The following CNTLN variants were observed in gnomAD, a reference collection of about 807,000 sequenced individuals.
The protein encoded by CNTLN is centlein, also known as centlein, centrosomal protein.
Under a neutral mutation model 180.0 loss-of-function variants are expected in CNTLN, and 212 were observed. The observed-to-expected ratio is 1.18, with a 90% confidence interval of 1.05 to 1.32. CNTLN has a LOEUF of 1.32. CNTLN is among the 40% of genes most tolerant of loss of function. The pLI, the probability that CNTLN is intolerant of heterozygous loss-of-function variation, is 0.00. For synonymous variants in CNTLN, 722 were observed against 563.1 expected (o/e 1.28, Z -3.99); for missense variants, 2,095 against 1,610.9 (o/e 1.30, Z -5.14).
At chr9:17,516,309 G>T in the CNTLN span, among the ~76,000 whole-genome samples, 1 of 152,294 alleles carries the variant, frequency 6.6e-6, no homozygotes, top group African/African-American at 2.4e-5. Flanking sequence ...GTAACAGTGT[G>T]GGGGAGAAAA....
At chr9:17,437,188 A>T (rs1370379809) in intron 18 of CNTLN, among the ~76,000 whole-genome samples, 1 of 152,224 alleles carries the variant, frequency 6.6e-6, no homozygotes, top group African/African-American at 2.4e-5. Flanking sequence ...TGACTGTCTT[A>T]TTCCTATGTC....
intron 12 of CNTLN, among the ~76,000 whole-genome samples, chr9:17,358,433 A>C (rs867099846): frequency 6.6e-6 from 1 of 152,132 alleles, no homozygotes; most frequent in Non-Finnish European, 1.5e-5. Flanking sequence ...ATGATACTAT[A>C]TATTTTTGTA....
intron 2 of CNTLN, among the ~76,000 whole-genome samples, chr9:17,205,331 C>A (rs1822840893): frequency 6.6e-6 from 1 of 152,156 alleles, no homozygotes; most frequent in South Asian, 2.1e-4. Flanking sequence ...ACATGATAAG[C>A]AAATTGGTAT....
intron 2 of CNTLN, among the ~76,000 whole-genome samples, chr9:17,198,554 GATT>G (rs1466159733): frequency 7.9e-6 from 1 of 126,370 alleles, no homozygotes; most frequent in Non-Finnish European, 1.6e-5. Context: ...TTTTTTTTTA[GATT>G]ATTTGCTGTT....
At chr9:17,378,232 T>G (rs1451198683) in intron 13 of CNTLN, among the ~76,000 whole-genome samples, 1 of 152,202 alleles carries the variant, frequency 6.6e-6, no homozygotes, top group East Asian at 1.9e-4. Context: ...CAGGCTGGAA[T>G]GCAGTGGCAC....
chr9:17,165,792 T>C lies in CNTLN; in HGVS notation c.449+22416T>C, dbSNP rs1277782511. Among the ~76,000 whole-genome samples, 7 of 152,204 alleles carry C rather than the reference T, an allele frequency of 4.6e-5. No homozygotes were observed. In the East Asian group the frequency reaches 1.3e-3, roughly 29 times the overall value. On this transcript the variant is annotated intron_variant, in intron 2 of 25. Coordinates refer to ENST00000380647, the MANE Select transcript of CNTLN (RefSeq NM_017738.4). Reference sequence around the variant, plus strand: ...CTGAATTATTCAGCCTCAGAGTTGCTGGAAGCAGAGTCCTGATCTATCCAG... The same window carrying C: ...CTGAATTATTCAGCCTCAGAGTTGCCGGAAGCAGAGTCCTGATCTATCCAG...
chr9:17,287,401 C>T (rs1275467619), intron 6 of CNTLN, among the ~76,000 whole-genome samples: 112 of 150,530 alleles, frequency 7.4e-4, no homozygotes, highest in African/African-American at 2.6e-3. Context: ...CTGCTGGATT[C>T]GTTTTGCCAG....
chr9:17,143,620 T>C (rs770610281), intron 2 of CNTLN, among the ~76,000 whole-genome samples: 1 of 152,210 alleles, frequency 6.6e-6, no homozygotes, highest in Non-Finnish European at 1.5e-5. Context: ...GATAAAACTA[T>C]GTCTTAAATA....
intron 25 of CNTLN, among the ~76,000 whole-genome samples, chr9:17,490,260 G>T (rs1275943477): frequency 6.6e-6 from 1 of 152,088 alleles, no homozygotes; most frequent in Non-Finnish European, 1.5e-5. Flanking sequence ...TGAGAGTCTG[G>T]ATGTGGCCTG....
chr9:17,379,505 G>A (rs533888157), intron 13 of CNTLN, among the ~76,000 whole-genome samples: 2 of 152,230 alleles, frequency 1.3e-5, no homozygotes, highest in East Asian at 3.9e-4. Context: ...CTGTGCTGTA[G>A]CTTGGAAGCT....
chr9:17,437,699 C>A (rs187143285), intron 18 of CNTLN, among the ~76,000 whole-genome samples: 2 of 152,152 alleles, frequency 1.3e-5, no homozygotes, highest in Admixed American at 1.3e-4. Context: ...ATGTAAAGCG[C>A]TATAATAATG....
chr9:17,166,128 C>G (rs1157088494), intron 2 of CNTLN, among the ~76,000 whole-genome samples: 1 of 151,654 alleles, frequency 6.6e-6, no homozygotes, highest in Non-Finnish European at 1.5e-5. Context: ...CTGAATAAAA[C>G]AAAGGAAAAA....
intron 12 of CNTLN, among the ~76,000 whole-genome samples, chr9:17,352,406 ATATATATATATT>A (rs71492914): frequency 0.51 from 65,926 of 129,502 alleles, 16,022 homozygotes; most frequent in Non-Finnish European, 0.56. Flanking sequence ...ATATATATAT[ATATATATATATT>A]TTTTTTTTTT....
At chr9:17,482,098 A>G (rs961178446) in intron 23 of CNTLN, among the ~76,000 whole-genome samples, 2 of 152,196 alleles carry the variant, frequency 1.3e-5, no homozygotes, top group Non-Finnish European at 2.9e-5. Flanking sequence ...AATTAACCCT[A>G]AGTAAATGAA....
chr9:17,511,668 ACACG>A, the CNTLN span, among the ~76,000 whole-genome samples: 16 of 151,212 alleles, frequency 1.1e-4, no homozygotes, highest in African/African-American at 3.7e-4. Flanking sequence ...ACACACACAC[ACACG>A]CACACGTGCA....
intron 13 of CNTLN, among the ~76,000 whole-genome samples, chr9:17,381,981 G>A (rs979210010): frequency 6.6e-6 from 1 of 152,040 alleles, no homozygotes; most frequent in African/African-American, 2.4e-5. Context: ...AAATCACATG[G>A]CCAAACTCAA....
intron 2 of CNTLN, among the ~76,000 whole-genome samples, chr9:17,181,723 G>C (rs1401101885): frequency 1.3e-5 from 2 of 152,322 alleles, no homozygotes; most frequent in East Asian, 3.9e-4. Flanking sequence ...TGCCGGAAGA[G>C]TTTAGAAGTT....
intron 25 of CNTLN, among the ~76,000 whole-genome samples, chr9:17,495,477 A>G (rs1833403903): frequency 6.6e-6 from 1 of 152,174 alleles, no homozygotes; most frequent in Non-Finnish European, 1.5e-5. Context: ...AAAAAATACA[A>G]AATTATTTAT....
intron 2 of CNTLN, among the ~76,000 whole-genome samples, chr9:17,193,623 C>T (rs184088723): frequency 6.6e-6 from 1 of 152,306 alleles, no homozygotes; most frequent in African/African-American, 2.4e-5. Flanking sequence ...TCCAGCCTCC[C>T]TCCCAGCTGC....
Sources: gnomAD v4.1 joint callset for allele counts (sites outside exome capture counted in the v4.1 genomes callset) on GRCh38, gnomAD v4.1.1 for gene constraint, MANE v1.5 for transcripts, NCBI Gene and HGNC (gene_info 2026-07-23, HGNC 2026-07-21) for gene names.